KCNQ3: variants seen among roughly 807,000 people sequenced by gnomAD.
The protein encoded by KCNQ3 is potassium voltage-gated channel subfamily KQT member 3.
A neutral mutation model predicts 92.5 loss-of-function variants in KCNQ3; 30 were observed. The ratio of observed to expected loss-of-function variants is 0.32; its 90% CI spans 0.24 to 0.44. The LOEUF (loss-of-function observed/expected upper bound fraction) is 0.44. KCNQ3 is among the 20% of genes least tolerant of loss of function. KCNQ3 has a pLI of 1.00. For synonymous variants in KCNQ3, 450 were observed against 468.8 expected (o/e 0.96, Z 0.52); for missense variants, 913 against 1,140.3 (o/e 0.80, Z 2.87).
intron 1 of KCNQ3, among the ~76,000 whole-genome samples, chr8:132,406,000 C>T (rs1820467073): frequency 6.6e-6 from 1 of 152,098 alleles, no homozygotes; most frequent in African/African-American, 2.4e-5. Flanking sequence ...AGAAATGTCC[C>T]AGGTGGGTGG....
chr8:132,406,115 A>T (rs1820471770), intron 1 of KCNQ3, among the ~76,000 whole-genome samples: 1 of 152,196 alleles, frequency 6.6e-6, no homozygotes, highest in Non-Finnish European at 1.5e-5. Flanking sequence ...CATGGTGAGG[A>T]TTAAACCTGA....
At chr8:132,161,877 C>G (rs1208744452) in intron 9 of KCNQ3, among the ~76,000 whole-genome samples, 1 of 152,214 alleles carries the variant, frequency 6.6e-6, no homozygotes, top group East Asian at 1.9e-4. Flanking sequence ...ATCTCCAGGT[C>G]TCATTTCCAT....
At chr8:132,178,630 G>C (rs2130148161) in intron 4 of KCNQ3, among the ~76,000 whole-genome samples, 1 of 152,146 alleles carries the variant, frequency 6.6e-6, no homozygotes, top group African/African-American at 2.4e-5. Flanking sequence ...TTTGAGCCAA[G>C]TTGCTGTCTG....
At chr8:132,381,015 G>A (rs192639546) in intron 1 of KCNQ3, among the ~76,000 whole-genome samples, 8 of 151,744 alleles carry the variant, frequency 5.3e-5, no homozygotes, top group Non-Finnish European at 8.8e-5. Context: ...AAAGAAGGGA[G>A]GATAGAGCAA....
At chr8:132,463,089 G>A (rs924961733) in intron 1 of KCNQ3, among the ~76,000 whole-genome samples, 3 of 152,144 alleles carry the variant, frequency 2.0e-5, no homozygotes, top group Non-Finnish European at 1.5e-5. Context: ...TTTGGAAGAC[G>A]ACAATTTGGC....
rs886062682 is a variant in KCNQ3 at position 132,128,501 on chromosome 8, T to TTGTG, written c.*757_*760dup. On this transcript the variant is annotated 3_prime_UTR_variant, in exon 15 of 15. Coordinates refer to ENST00000388996, the MANE Select transcript of KCNQ3 (RefSeq NM_004519.4). The stretch of plus-strand genomic sequence containing the variant: ...ACATAAATTGGAAACTATTTTAACT[T>TTGTG]TGTGTATGTGTGTGTGTGTGTGTGT... The TTGTG allele has an allele frequency of 1.1e-3, 123 of 116,932 alleles. 1 individual carries two copies. Among genetic ancestry groups the TTGTG allele is most frequent in the African/African-American group, 3.2e-3 (102 of 31,708 alleles). 7.2% of individuals were successfully genotyped at this position (116,932 alleles called of 1,614,324 possible).
At position 132,344,785 on chromosome 8, in the gene KCNQ3, T is replaced by A. The variant is rs535399169; in HGVS notation, c.386+135362A>T. Reference sequence around the variant, plus strand: ...AAGGTCGAGGCCAGTGCAGAAGGAGTAATGGAGACTGGAGAGGAACCAGTT... The same window carrying A: ...AAGGTCGAGGCCAGTGCAGAAGGAGAAATGGAGACTGGAGAGGAACCAGTT... On this transcript the variant is annotated intron_variant, in intron 1 of 14. Coordinates refer to ENST00000388996, the MANE Select transcript of KCNQ3 (RefSeq NM_004519.4). Among the ~76,000 whole-genome samples the A allele has an allele frequency of 1.2e-4, 18 of 151,056 alleles. No homozygotes were observed. In the South Asian group the frequency reaches 3.4e-3, roughly 28 times the overall value.
intron 1 of KCNQ3, among the ~76,000 whole-genome samples, chr8:132,478,101 T>C (rs568290793): frequency 1.4e-4 from 21 of 152,362 alleles, no homozygotes; most frequent in Non-Finnish European, 2.1e-4. Flanking sequence ...ATATAGTTCC[T>C]AGCTAGGTAA....
intron 1 of KCNQ3, among the ~76,000 whole-genome samples, chr8:132,229,152 G>T (rs1456237724): frequency 8.5e-5 from 13 of 152,162 alleles, no homozygotes; most frequent in African/African-American, 3.1e-4. Flanking sequence ...TACTTGGGAG[G>T]CTGAGGCAGG....
chr8:132,327,866 G>A (rs1818105121), intron 1 of KCNQ3, among the ~76,000 whole-genome samples: 2 of 152,140 alleles, frequency 1.3e-5, no homozygotes, highest in Admixed American at 6.5e-5. Flanking sequence ...GAAGGGAAGG[G>A]GCAGTCTGGG....
In KCNQ3 at chr8:132,122,643, C is replaced by T. The variant is rs576539990; in HGVS notation, c.*6619G>A. 1 of 152,272 alleles carries T rather than the reference C, an allele frequency of 6.6e-6. No individual in the cohort carries two copies. Among genetic ancestry groups the T allele is most frequent in the South Asian group, 2.1e-4 (1 of 4,818 alleles). The allele number at this position is 152,272 out of a possible 1,614,324, so 9.4% of individuals were successfully genotyped here. The stretch of plus-strand genomic sequence containing the variant: ...GGTAGAATGACAATCTTTAAAATTA[C>T]TGGGCCAACTATTGTTGTTCTAGAA... On this transcript the variant is annotated 3_prime_UTR_variant, in exon 15 of 15. Coordinates refer to ENST00000388996, the MANE Select transcript of KCNQ3 (RefSeq NM_004519.4).
At chr8:132,218,795 T>C (rs1471766144) in intron 1 of KCNQ3, among the ~76,000 whole-genome samples, 5 of 151,950 alleles carry the variant, frequency 3.3e-5, no homozygotes, top group Middle Eastern at 3.2e-3. Flanking sequence ...AAAGCTATGA[T>C]AAATTTCCCT....
In KCNQ3 at chr8:132,183,959, C is replaced by A. The variant is rs565775225; in HGVS notation, c.604+282G>T. 7.2e-5 allele frequency among the ~76,000 whole-genome samples: 11 copies of A among 152,254 alleles called. No homozygotes were observed. In the South Asian group the frequency reaches 2.1e-3, roughly 29 times the overall value. On this transcript the variant is annotated intron_variant, in intron 3 of 14. Transcript: ENST00000388996. Reference sequence around the variant, plus strand: ...ACTGGGGATGCTCAATATCCTGCAACCTGCTTGCTGCTCCACAACCCAATT... The same window carrying A: ...ACTGGGGATGCTCAATATCCTGCAAACTGCTTGCTGCTCCACAACCCAATT...
chr8:132,459,689 G>A (rs1822018820), intron 1 of KCNQ3, among the ~76,000 whole-genome samples: 1 of 151,336 alleles, frequency 6.6e-6, no homozygotes, highest in South Asian at 2.1e-4. Context: ...CACCTGGCTT[G>A]AGGTCGTGTT....
chr8:132,191,609 GTA>G (rs1563797820), intron 1 of KCNQ3, among the ~76,000 whole-genome samples: 1 of 147,256 alleles, frequency 6.8e-6, no homozygotes, highest in Non-Finnish European at 1.5e-5. Flanking sequence ...GTATGTGTGT[GTA>G]TGTATATATA....
chr8:132,229,772 A>G (rs1455219724), intron 1 of KCNQ3, among the ~76,000 whole-genome samples: 8 of 152,100 alleles, frequency 5.3e-5, no homozygotes, highest in Non-Finnish European at 1.0e-4. Context: ...CAATAAATAC[A>G]CTAAGCAAGG....
At chr8:132,176,534 TG>T (rs1020396390) in intron 4 of KCNQ3, among the ~76,000 whole-genome samples, 11 of 152,204 alleles carry the variant, frequency 7.2e-5, no homozygotes, top group African/African-American at 2.7e-4. Flanking sequence ...AGAACAAAGT[TG>T]TTCACATTGA....
intron 1 of KCNQ3, among the ~76,000 whole-genome samples, chr8:132,473,074 T>C (rs1258527636): frequency 1.3e-5 from 2 of 152,042 alleles, no homozygotes; most frequent in South Asian, 2.1e-4. Context: ...TACTGCTGAA[T>C]AAAGAATGAC....
intron 1 of KCNQ3, among the ~76,000 whole-genome samples, chr8:132,344,554 G>A (rs1464467368): frequency 6.6e-6 from 1 of 152,192 alleles, no homozygotes; most frequent in Non-Finnish European, 1.5e-5. Context: ...CCACTGTGCA[G>A]ATGAGGAAAC....
Sources: gnomAD v4.1 joint callset for allele counts (sites outside exome capture counted in the v4.1 genomes callset) on GRCh38, gnomAD v4.1.1 for gene constraint, MANE v1.5 for transcripts, NCBI Gene and HGNC (gene_info 2026-07-23, HGNC 2026-07-21) for gene names.